The following QTMAN variants were observed in gnomAD, a reference collection of about 807,000 sequenced individuals.
QTMAN encodes tRNA-queuosine alpha-mannosyltransferase.
chr2:144,105,633 G>C, the QTMAN span, among the ~76,000 whole-genome samples: 1 of 152,198 alleles, frequency 6.6e-6, no homozygotes, highest in Non-Finnish European at 1.5e-5. Context: ...TCTGATTGGT[G>C]TACCTGGAAG....
At chr2:144,003,493 TA>T in the QTMAN span, among the ~76,000 whole-genome samples, 3 of 151,488 alleles carry the variant, frequency 2.0e-5, no homozygotes, top group African/African-American at 7.3e-5. Context: ...TTATTTCTAC[TA>T]ACCGTGCCTT....
chr2:144,189,825 T>A, the QTMAN span, among the ~76,000 whole-genome samples: 5 of 152,118 alleles, frequency 3.3e-5, no homozygotes, highest in Admixed American at 6.5e-5. Context: ...TTTCACCATG[T>A]TGGCCATGCT....
the QTMAN span, among the ~76,000 whole-genome samples, chr2:144,067,720 C>T: frequency 6.6e-6 from 1 of 152,226 alleles, no homozygotes; most frequent in Admixed American, 6.5e-5. Flanking sequence ...TAAAATGATT[C>T]AAACAGGAAA....
At chr2:144,301,457 A>C in the QTMAN span, among the ~76,000 whole-genome samples, 2 of 152,220 alleles carry the variant, frequency 1.3e-5, no homozygotes, top group African/African-American at 4.8e-5. Context: ...TCCTGACCTC[A>C]GGTGATTCAC....
the QTMAN span, among the ~76,000 whole-genome samples, chr2:144,071,444 T>G: frequency 6.6e-6 from 1 of 152,178 alleles, no homozygotes; most frequent in African/African-American, 2.4e-5. Context: ...ACCACTACCC[T>G]TTTTTAGATT....
chr2:144,323,614 G>A, the QTMAN span, among the ~76,000 whole-genome samples: 1 of 152,122 alleles, frequency 6.6e-6, no homozygotes, highest in Non-Finnish European at 1.5e-5. Context: ...GATCCCTAGG[G>A]ATTTGTACGC....
chr2:144,039,268 G>C, the QTMAN span, among the ~76,000 whole-genome samples: 1 of 152,118 alleles, frequency 6.6e-6, no homozygotes, highest in Non-Finnish European at 1.5e-5. Context: ...GGGAGATAAA[G>C]TGTGTGATGC....
At chr2:144,142,798 A>G in the QTMAN span, among the ~76,000 whole-genome samples, 1 of 152,020 alleles carries the variant, frequency 6.6e-6, no homozygotes, top group Non-Finnish European at 1.5e-5. Flanking sequence ...AAAGCGCCGC[A>G]ACACCATGAT....
the QTMAN span, among the ~76,000 whole-genome samples, chr2:144,253,870 G>A: frequency 6.6e-6 from 1 of 152,210 alleles, no homozygotes; most frequent in Non-Finnish European, 1.5e-5. Context: ...TGTCTCCAGG[G>A]CATGTTAGAG....
chr2:144,096,955 A>G, the QTMAN span, among the ~76,000 whole-genome samples: 1 of 152,252 alleles, frequency 6.6e-6, no homozygotes, highest in Non-Finnish European at 1.5e-5. Context: ...AAACGAATTC[A>G]AAATCAGTTT....
At chr2:144,029,078 C>G in the QTMAN span, among the ~76,000 whole-genome samples, 7 of 152,038 alleles carry the variant, frequency 4.6e-5, no homozygotes, top group Non-Finnish European at 2.9e-5. Context: ...CCTAGCTGAG[C>G]CTTTTATTTT....
At chr2:144,099,601 C>T in the QTMAN span, among the ~76,000 whole-genome samples, 4 of 152,270 alleles carry the variant, frequency 2.6e-5, no homozygotes, top group South Asian at 2.1e-4. Flanking sequence ...TAATTGTGTA[C>T]GTCTCCTTCT....
the QTMAN span, among the ~76,000 whole-genome samples, chr2:143,999,369 T>C: frequency 6.6e-6 from 1 of 150,904 alleles, no homozygotes; most frequent in Non-Finnish European, 1.5e-5. Flanking sequence ...ATGACTACCA[T>C]CATGGAAAGG....
the QTMAN span, among the ~76,000 whole-genome samples, chr2:144,216,471 G>A: frequency 6.6e-6 from 1 of 152,098 alleles, no homozygotes; most frequent in Non-Finnish European, 1.5e-5. Flanking sequence ...AGTAACACTG[G>A]TTTCACTTAA....
the QTMAN span, among the ~76,000 whole-genome samples, chr2:144,125,392 A>C: frequency 1.4e-4 from 21 of 152,074 alleles, no homozygotes; most frequent in Non-Finnish European, 1.5e-5. Context: ...TGTTAGCCTT[A>C]TGTCCTGGAT....
At chr2:144,162,838 A>T in the QTMAN span, among the ~76,000 whole-genome samples, 1 of 152,190 alleles carries the variant, frequency 6.6e-6, no homozygotes, top group Non-Finnish European at 1.5e-5. Flanking sequence ...TGACTCAGGT[A>T]AGAATGGCTC....
the QTMAN span, among the ~76,000 whole-genome samples, chr2:144,276,401 T>C: frequency 3.3e-5 from 5 of 151,780 alleles, no homozygotes; most frequent in African/African-American, 7.3e-5. Context: ...TCTTGCTATG[T>C]TGCCAAGGCT....
chr2:144,204,743 C>T, the QTMAN span, among the ~76,000 whole-genome samples: 1 of 151,768 alleles, frequency 6.6e-6, no homozygotes, highest in African/African-American at 2.4e-5. Context: ...GGAACCAGCC[C>T]AAATGTCCAA....
the QTMAN span, among the ~76,000 whole-genome samples, chr2:143,969,892 C>T: frequency 6.2e-4 from 95 of 152,288 alleles, no homozygotes; most frequent in South Asian, 4.8e-3. Context: ...TGAAAGTAAA[C>T]TTTAGGTGTT....
Sources: allele counts gnomAD v4.1 joint callset (sites outside exome capture counted in the v4.1 genomes callset), GRCh38; gene constraint gnomAD v4.1.1; transcripts MANE v1.5; gene names NCBI Gene and HGNC (gene_info 2026-07-23, HGNC 2026-07-21).